The following KCNH1 variants were observed in gnomAD, a reference collection of about 807,000 sequenced individuals.
KCNH1 encodes the protein potassium voltage-gated channel subfamily H member 1.
Under a neutral mutation model 69.2 loss-of-function variants are expected in KCNH1, and 27 were observed. The ratio of observed to expected loss-of-function variants is 0.39; its 90% CI spans 0.29 to 0.54. KCNH1 has a LOEUF of 0.54. KCNH1 is among the 20% of genes least tolerant of loss of function. KCNH1 has a pLI of 0.68. For synonymous variants in KCNH1, 456 were observed against 487.7 expected (o/e 0.93, Z 0.86); for missense variants, 798 against 1,261.6 (o/e 0.63, Z 5.57).
intron 10 of KCNH1, among the ~76,000 whole-genome samples, chr1:210,687,446 G>T (rs897491381): frequency 1.3e-5 from 2 of 152,172 alleles, no homozygotes; most frequent in Non-Finnish European, 2.9e-5. Flanking sequence ...TTTCCAAAGT[G>T]TCATCTTAGG....
intron 5 of KCNH1, among the ~76,000 whole-genome samples, chr1:211,040,460 T>C (rs762440889): frequency 3.3e-5 from 5 of 152,180 alleles, no homozygotes; most frequent in Non-Finnish European, 5.9e-5. Context: ...GGGTTTCCAC[T>C]TTTGCTTCTT....
chr1:211,034,091 C>T (rs1351089593), intron 5 of KCNH1, among the ~76,000 whole-genome samples: 2 of 152,220 alleles, frequency 1.3e-5, no homozygotes, highest in East Asian at 3.9e-4. Context: ...GGGCATTTAT[C>T]CCAGAAGAAT....
At chr1:211,080,422 C>T (rs964165296) in intron 5 of KCNH1, among the ~76,000 whole-genome samples, 2 of 152,150 alleles carry the variant, frequency 1.3e-5, no homozygotes, top group African/African-American at 4.8e-5. Context: ...CAATGCCATC[C>T]CCATCAAGCT....
At chr1:210,818,492 T>A (rs1684863306) in intron 7 of KCNH1, among the ~76,000 whole-genome samples, 1 of 152,182 alleles carries the variant, frequency 6.6e-6, no homozygotes, top group African/African-American at 2.4e-5. Context: ...GCTGTGTGAC[T>A]TGGAGCAAAA....
rs2102473134 is a variant in KCNH1 at position 211,090,663 on chromosome 1, A to G, written c.338T>C (p.Ile113Thr). Residue 113 changes from isoleucine to threonine, a missense_variant, in exon 4 of 11, where the codon ATT becomes ACT. Transcript: ENST00000271751. ...NRTPVWFFVK[I>T]APIRNEQDKV... ...ATCCTGTTCGTTTCGAATTGGAGCAATTTTCACAAAGAACCACACAGGTGT... is the reference window on the plus strand; with the variant it reads ...ATCCTGTTCGTTTCGAATTGGAGCAGTTTTCACAAAGAACCACACAGGTGT... 9.3e-6 allele frequency: 15 copies of G among 1,606,552 alleles called. No homozygotes were observed. Among genetic ancestry groups the G allele is most frequent in the Non-Finnish European group, 1.2e-5 (14 of 1,178,548 alleles).
intron 5 of KCNH1, among the ~76,000 whole-genome samples, chr1:211,077,547 C>G (rs1450520019): frequency 2.0e-5 from 3 of 152,140 alleles, no homozygotes; most frequent in African/African-American, 7.2e-5. Flanking sequence ...ACTTTACAGA[C>G]AAGCAAACCC....
At chr1:210,994,916 C>A (rs1360342159) in intron 6 of KCNH1, among the ~76,000 whole-genome samples, 2 of 152,124 alleles carry the variant, frequency 1.3e-5, no homozygotes, top group East Asian at 1.9e-4. Context: ...TGATGATATG[C>A]CAGATTCATT....
intron 7 of KCNH1, among the ~76,000 whole-genome samples, chr1:210,902,664 C>T (rs747593856): frequency 6.6e-5 from 10 of 152,116 alleles, no homozygotes; most frequent in Non-Finnish European, 8.8e-5. Context: ...GAAGGAAGCC[C>T]GTGGTGAAGT....
At chr1:210,885,052 C>T (rs1686573099) in intron 7 of KCNH1, among the ~76,000 whole-genome samples, 1 of 152,218 alleles carries the variant, frequency 6.6e-6, no homozygotes, top group African/African-American at 2.4e-5. Flanking sequence ...TCAGTAGGCA[C>T]TACCAGTGCA....
At chr1:210,935,541 CAG>C (rs1297571718) in intron 6 of KCNH1, among the ~76,000 whole-genome samples, 3 of 152,118 alleles carry the variant, frequency 2.0e-5, no homozygotes, top group Non-Finnish European at 4.4e-5. Context: ...TTTGAGGTGA[CAG>C]ATATGCTAAA....
In KCNH1 at chr1:210,691,598, T is replaced by A. The variant is rs569813077; in HGVS notation, c.2113-7460A>T. Among the ~76,000 whole-genome samples, 229 of 152,296 alleles carry A rather than the reference T, an allele frequency of 1.5e-3. 1 individual carries two copies. Among genetic ancestry groups the A allele is most frequent in the African/African-American group, 5.2e-3 (218 of 41,544 alleles). On this transcript the variant is annotated intron_variant, in intron 10 of 10. Transcript: ENST00000271751. ...GGACAAAGGACAGTTTCTCTCAGTA[T>A]ATGTTGATGACCTCCACTAGTGTCT...
chr1:210,683,149 C>G lies in KCNH1; in HGVS notation c.*132G>C. On this transcript the variant is annotated 3_prime_UTR_variant, in exon 11 of 11. Coordinates refer to ENST00000271751, the MANE Select transcript of KCNH1 (RefSeq NM_172362.3). The surrounding 1 kb of genome is among the most constrained non-coding windows in gnomAD (Gnocchi z 5.7). ...CAGATAGAGAAAGAGCACGTCTAAG[C>G]CACTGGCCCCACTTTTTCTGTTAGG... The G allele has an allele frequency of 3.4e-6, 3 of 875,672 alleles. No homozygotes were observed. The highest frequency in any genetic ancestry group is 5.3e-6 in the Non-Finnish European group (3 of 564,252). The allele number at this position is 875,672 out of a possible 1,614,324, so 54.2% of individuals were successfully genotyped here. A position where few individuals can be genotyped will look rare whatever the true frequency, so the allele number is the denominator to read the frequency against.
intron 9 of KCNH1, among the ~76,000 whole-genome samples, chr1:210,789,990 A>G (rs1684181910): frequency 6.6e-6 from 1 of 152,154 alleles, no homozygotes; most frequent in South Asian, 2.1e-4. Flanking sequence ...ACGGTGCACT[A>G]CAGCCTCAAA....
intron 10 of KCNH1, among the ~76,000 whole-genome samples, chr1:210,700,907 T>C (rs1201173930): frequency 6.6e-6 from 1 of 152,122 alleles, no homozygotes; most frequent in Non-Finnish European, 1.5e-5. Context: ...TTTTCATTTA[T>C]TGTTTGTACT....
Position 210,937,142 on chromosome 1 carries a change from C to T in KCNH1, c.1033-17073G>A, listed in dbSNP as rs868461851. On this transcript the variant is annotated intron_variant, in intron 6 of 10. Transcript: ENST00000271751. ...TCCTAAAACTATAATCAACACACAA[C>T]GGCTCAATTTCTCATTTCCCACTCA... is the stretch of plus-strand genomic sequence containing the variant. Among the ~76,000 whole-genome samples, 12 of 152,328 alleles carry T rather than the reference C, an allele frequency of 7.9e-5. No individual in the cohort carries two copies. In the South Asian group the frequency reaches 8.3e-4, roughly 11 times the overall value.
intron 10 of KCNH1, among the ~76,000 whole-genome samples, chr1:210,691,492 G>A (rs760905762): frequency 2.6e-5 from 4 of 152,218 alleles, no homozygotes; most frequent in Admixed American, 6.5e-5. Context: ...CTGTGGAGCC[G>A]TGAGCCAAAC....
At position 210,909,805 on chromosome 1, in the gene KCNH1, G is replaced by A. The variant is rs1023982312; in HGVS notation, c.1462+9835C>T. Among the ~76,000 whole-genome samples the A allele has an allele frequency of 5.7e-4, 86 of 152,188 alleles. 1 individual carries two copies. Among genetic ancestry groups the A allele is most frequent in the African/African-American group, 2.1e-3 (85 of 41,434 alleles). ...CTGAGTAGTATCAATTCAAAGAGGG[G>A]CTGTCCAGGAGAAGGGGGCAGTTTT... is the stretch of plus-strand genomic sequence containing the variant. On this transcript the variant is annotated intron_variant, in intron 7 of 10. Coordinates refer to ENST00000271751, the MANE Select transcript of KCNH1 (RefSeq NM_172362.3).
intron 5 of KCNH1, among the ~76,000 whole-genome samples, chr1:211,034,346 A>T (rs2102425995): frequency 6.6e-6 from 1 of 152,248 alleles, no homozygotes; most frequent in African/African-American, 2.4e-5. Flanking sequence ...TTATGACTCC[A>T]TATATATAAT....
At chr1:210,881,563 C>T (rs1454427355) in intron 7 of KCNH1, among the ~76,000 whole-genome samples, 1 of 152,138 alleles carries the variant, frequency 6.6e-6, no homozygotes, top group South Asian at 2.1e-4. Context: ...GAAACTTATG[C>T]CCACACAAAA....
Sources: gnomAD v4.1 joint callset for allele counts (sites outside exome capture counted in the v4.1 genomes callset) on GRCh38, gnomAD v4.1.1 for gene constraint, Gnocchi (gnomAD v3.1) non-coding constraint, MANE v1.5 for transcripts, NCBI Gene and HGNC (gene_info 2026-07-23, HGNC 2026-07-21) for gene names.